Variants in ITGA10 observed in about 807,000 individuals in gnomAD.
ITGA10 encodes the protein integrin subunit alpha 10, also known as integrin alpha-10.
A neutral mutation model predicts 145.2 loss-of-function variants in ITGA10; 105 were observed. The observed-to-expected ratio is 0.72, with a 90% CI of 0.62 to 0.85. ITGA10 has a LOEUF of 0.85. Among genes scored for constraint, ITGA10 ranks in the 40% least tolerant of loss-of-function variants. The pLI, the probability that ITGA10 is intolerant of heterozygous loss-of-function variation, is 0.00. For synonymous variants in ITGA10, 506 were observed against 557.8 expected, an observed-to-expected ratio of 0.91 and a Z score of 1.31; for missense variants, 1,317 against 1,444.5, an observed-to-expected ratio of 0.91 and a Z score of 1.43.
intron 19 of ITGA10, 22 bp downstream of exon 19, chr1:145,897,793 G>A: frequency 6.2e-7 from 1 of 1,612,112 alleles, no homozygotes; most frequent in Non-Finnish European, 8.5e-7. Context: ...ACCCTGGTTT[G>A]CCTAGTACAT....
rs782420287 is a variant in ITGA10, at chr1:145,896,339, G to A, written c.2848C>T (p.His950Tyr). ...CCATATGGGTGAACCTCATAGCGGT[G>A]CAGGGTAGACTCACTGTGTGAACAC... is the stretch of plus-strand genomic sequence containing the variant. Reference protein sequence around the residue: ...HLLFSSESTLHRYEVHPYGTL... With the variant: ...HLLFSSESTLYRYEVHPYGTL... Residue 950 changes from histidine to tyrosine, a missense_variant, in exon 24 of 30, where the codon CAC becomes TAC. Physicochemically the swap from His to Tyr is moderately conservative, Grantham distance 83. Coordinates refer to ENST00000369304, the MANE Select transcript of ITGA10 (RefSeq NM_003637.5). 2.0e-5 allele frequency: 33 copies of A among 1,613,718 alleles called. No individual in the cohort carries two copies. Among genetic ancestry groups the A allele is most frequent in the South Asian group, 1.1e-4 (10 of 91,076 alleles).
rs1559184138 is a variant in ITGA10, at chr1:145,891,880, A to C, written c.*918T>G. ...GTGAAAGCATTTCCCATCATCAAGT[A>C]GCAGTACTCTCTCTCCTGTCTGCTT... is the stretch of plus-strand genomic sequence containing the variant. On this transcript the variant is annotated 3_prime_UTR_variant, in exon 30 of 30. Transcript: ENST00000369304. 1 of 152,278 alleles carries C rather than the reference A, an allele frequency of 6.6e-6. No individual in the cohort carries two copies. Among genetic ancestry groups the C allele is most frequent in the Non-Finnish European group, 1.5e-5 (1 of 68,060 alleles). 9.4% of individuals were successfully genotyped at this position (152,278 alleles called of 1,614,324 possible). A position where few individuals can be genotyped will look rare whatever the true frequency, so the allele number is the denominator to read the frequency against.
At chr1:145,892,957 T>C (rs1654904265) in intron 29 of ITGA10, 94 bp from the exon 30 acceptor site, 1 of 1,064,568 alleles carries the variant, frequency 9.4e-7, no homozygotes, top group Non-Finnish European at 1.4e-6. Context: ...ACTTTTGTTC[T>C]GTTTCCAAAA....
intron 17 of ITGA10, among the ~76,000 whole-genome samples, 175 bp downstream of exon 17, chr1:145,898,761 G>A (rs1345363094): frequency 1.3e-5 from 2 of 152,210 alleles, no homozygotes; most frequent in Admixed American, 6.5e-5. Context: ...AGAATTCATA[G>A]GTGGTAAATG....
rs1301490623 is a variant in ITGA10, at chr1:145,900,838, C to G, written c.1743G>C (p.Leu581=). ...APLEDGHQGA[L]YLYHGTQSGV... ...CACTCTGGGTTCCATGGTACAGGTA[C>G]AGTGCTCCCTGGTGCCCATCTTCCA... The change falls in exon 14 of 30, where the codon CTG becomes CTC. Residue 581 remains leucine (L), a synonymous_variant. Transcript: ENST00000369304. The G allele has an allele frequency of 1.9e-6, 3 of 1,614,022 alleles. No individual in the cohort carries two copies. Among genetic ancestry groups the G allele is most frequent in the African/African-American group, 2.7e-5 (2 of 74,884 alleles).
chr1:145,906,380 T>C lies in ITGA10; in HGVS notation c.481+14A>G. ...CCTTCTGGGAACCAAGTACTCAGCC[T>C]TCCTCTGGCTCACGTTGGGCAGTGG... On this transcript the variant is annotated intron_variant, in intron 5 of 29. Transcript: ENST00000369304. 3 of 1,602,038 alleles carry C rather than the reference T, an allele frequency of 1.9e-6. No individual in the cohort carries two copies. Among genetic ancestry groups the C allele is most frequent in the Non-Finnish European group, 1.7e-6 (2 of 1,169,360 alleles).
intron 3 of ITGA10, 21 bp from the exon 4 acceptor site, chr1:145,906,845 G>A: frequency 6.5e-7 from 1 of 1,547,492 alleles, no homozygotes; most frequent in South Asian, 1.1e-5. Flanking sequence ...GGAGGTGGAA[G>A]AGAATGAGAT....
In ITGA10 at chr1:145,905,221, A is replaced by G. The variant is rs141015982; in HGVS notation, c.482-410T>C. 3.8e-3 allele frequency among the ~76,000 whole-genome samples: 577 copies of G among 152,284 alleles called. 6 individuals are homozygous for G. Among genetic ancestry groups the G allele is most frequent in the African/African-American group, 0.013 (542 of 41,566 alleles). ...TGGTGAGGAATGAAACATGGTAGCA[A>G]CTATGAAGACTGAAAATGTTTAAGG... is the stretch of plus-strand genomic sequence containing the variant. On this transcript the variant is annotated intron_variant, in intron 5 of 29. Coordinates refer to ENST00000369304, the MANE Select transcript of ITGA10 (RefSeq NM_003637.5).
chr1:145,897,743 C>G, intron 19 of ITGA10, 72 bp downstream of exon 19: 2 of 1,610,874 alleles, frequency 1.2e-6, no homozygotes. Flanking sequence ...GAAACAACCC[C>G]CTACCCGCCC....
In ITGA10 at chr1:145,901,079, T is replaced by G; in HGVS notation, c.1587+56A>C. The G allele has an allele frequency of 6.2e-7, 1 of 1,612,628 alleles. No homozygotes were observed. Among genetic ancestry groups the G allele is most frequent in the Non-Finnish European group, 8.5e-7 (1 of 1,179,112 alleles). Reference sequence around the variant, plus strand: ...TCAAATATGTGCACCTTCCCTCCTTTCCTCCCTCCACCCCCACAATGCAAG... The same window carrying G: ...TCAAATATGTGCACCTTCCCTCCTTGCCTCCCTCCACCCCCACAATGCAAG... On this transcript the variant is annotated intron_variant, in intron 13 of 29. Transcript: ENST00000369304. The surrounding 1 kb of genome is among the most constrained non-coding windows in gnomAD (Gnocchi z 4.3).
chr1:145,900,263 T>TTTTA (rs1177281009), intron 14 of ITGA10, 76 bp from the exon 15 acceptor site: 9 of 1,424,888 alleles, frequency 6.3e-6, no homozygotes, highest in Admixed American at 4.7e-5. Flanking sequence ...TGCTCTTTCT[T>TTTTA]TTTATTTATT....
chr1:145,901,257 C>G lies in ITGA10; in HGVS notation c.1465G>C (p.Glu489Gln). 1 of 1,614,130 alleles carries G rather than the reference C, an allele frequency of 6.2e-7. No individual in the cohort carries two copies. Among genetic ancestry groups the G allele is most frequent in the Non-Finnish European group, 8.5e-7 (1 of 1,180,024 alleles). The change falls in exon 13 of 30, where the codon GAG becomes CAG. Residue 489 changes from glutamate to glutamine, a missense_variant. Physicochemically the swap from Glu to Gln is conservative, Grantham distance 29 (BLOSUM62 2). Transcript: ENST00000369304. This position sits in a 1 kb window ranked among gnomAD's most constrained non-coding sequence, Gnocchi z 4.3. ...CTATCTGTATCCAATGGGCAGAGCT[C>G]ACTGCCAAAGTATGAACCAATCTGG... The part of the protein sequence containing the change: ...GEQIGSYFGS[E>Q]LCPLDTDRDG...
intron 1 of ITGA10, among the ~76,000 whole-genome samples, chr1:145,909,735 C>A (rs1657650147): frequency 1.4e-5 from 2 of 145,998 alleles, no homozygotes; most frequent in African/African-American, 5.1e-5. Context: ...AGATACAAAT[C>A]TTACACAAGG....
rs957445531 is a variant in ITGA10 at position 145,897,805 on chromosome 1, T to G, written c.2432+10A>C. On this transcript the variant is annotated intron_variant, in intron 19 of 29. Coordinates refer to ENST00000369304, the MANE Select transcript of ITGA10 (RefSeq NM_003637.5). ...GTCACCCTGGTTTGCCTAGTACATG[T>G]CCATCCAACCTGGAGCCTCTGATGT... 1.9e-6 allele frequency: 3 copies of G among 1,613,564 alleles called. No individual in the cohort carries two copies. The African/African-American group carries it at 4.0e-5, about 22-fold the overall frequency.
At chr1:145,894,357 A>G (rs1301269661) in intron 27 of ITGA10, among the ~76,000 whole-genome samples, 2 of 151,872 alleles carry the variant, frequency 1.3e-5, no homozygotes, top group Admixed American at 1.3e-4. Flanking sequence ...TGATCTGCCC[A>G]CCTTGGCCTC....
At chr1:145,897,117 G>T in intron 21 of ITGA10, 30 bp from the exon 22 acceptor site, 1 of 1,596,230 alleles carries the variant, frequency 6.3e-7, no homozygotes, top group South Asian at 1.1e-5. Flanking sequence ...GGTAATGGTA[G>T]AGTCTTCCTC....
At position 145,906,524 on chromosome 1, in the gene ITGA10, A is replaced by G; in HGVS notation, c.367-16T>C. 2 of 1,608,026 alleles carry G rather than the reference A, an allele frequency of 1.2e-6. No homozygotes were observed. Among genetic ancestry groups the G allele is most frequent in the African/African-American group, 1.3e-5 (1 of 74,904 alleles). On this transcript the variant is annotated splice_polypyrimidine_tract_variant and intron_variant, in intron 4 of 29. Coordinates refer to ENST00000369304, the MANE Select transcript of ITGA10 (RefSeq NM_003637.5). ...GGGCACAGGCCTGGGGATGGGGGAAATAGTTACTCCCAGGCTTGGGAGGGC... is the reference window on the plus strand; with the variant it reads ...GGGCACAGGCCTGGGGATGGGGGAAGTAGTTACTCCCAGGCTTGGGAGGGC...
chr1:145,899,149 G>T, intron 16 of ITGA10, 26 bp downstream of exon 16: 1 of 1,614,182 alleles, frequency 6.2e-7, no homozygotes, highest in Non-Finnish European at 8.5e-7. Flanking sequence ...ATTGAGAGTT[G>T]CCTGTGATGC....
chr1:145,900,053 T>A lies in ITGA10; in HGVS notation c.1922+4A>T. 2.5e-6 allele frequency: 4 copies of A among 1,612,432 alleles called. No homozygotes were observed. The highest frequency in any genetic ancestry group is 3.4e-6 in the Non-Finnish European group (4 of 1,179,272). On this transcript the variant is annotated splice_donor_region_variant and intron_variant, in intron 15 of 29. Transcript: ENST00000369304. ...CCACCACCACCTGAGCTGGGACCCCTCACCTGAGCAGGATGGCTGCCCCCT... is the reference window on the plus strand; with the variant it reads ...CCACCACCACCTGAGCTGGGACCCCACACCTGAGCAGGATGGCTGCCCCCT...
Sources: gnomAD v4.1 joint callset for allele counts (sites outside exome capture counted in the v4.1 genomes callset) on GRCh38, gnomAD v4.1.1 for gene constraint, Gnocchi (gnomAD v3.1) non-coding constraint, MANE v1.5 for transcripts, NCBI Gene and HGNC (gene_info 2026-07-23, HGNC 2026-07-21) for gene names.